Variants in ODAD1 observed in about 807,000 individuals in gnomAD.
ODAD1 encodes the protein outer dynein arm-docking complex subunit 1.
ODAD1 carries 49 observed loss-of-function variants against 67.2 expected under a neutral mutation model. That is an observed-to-expected ratio of 0.73 (90% CI 0.58 to 0.92). The LOEUF is 0.92. Ranked by LOEUF, ODAD1 falls within the 40% of genes least tolerant of loss-of-function variation. The probability of loss-of-function intolerance (pLI) is 0.00; values close to 1 mark genes in which losing one functional copy is unlikely to be tolerated. For missense variants in ODAD1, 897 were observed against 953.7 expected (o/e 0.94, Z 0.78); for synonymous variants, 345 against 393.7 (o/e 0.88, Z 1.46).
intron 12 of ODAD1, among the ~76,000 whole-genome samples, chr19:48,298,629 G>C (rs2147310023): frequency 6.6e-6 from 1 of 152,290 alleles, no homozygotes; most frequent in Admixed American, 6.5e-5. Context: ...AGGCAGTGGT[G>C]AGGGGCCTGC....
Position 48,297,580 on chromosome 19 carries a change from C to A in ODAD1, c.1581+10G>T. 1 of 1,561,232 alleles carries A rather than the reference C, an allele frequency of 6.4e-7. No homozygotes were observed. Among genetic ancestry groups the A allele is most frequent in the East Asian group, 2.3e-5 (1 of 44,384 alleles). On this transcript the variant is annotated intron_variant, in intron 15 of 15. Transcript: ENST00000674294. ...AGGCCTGGCCCCACCCCCGCAGGCC[C>A]CACTCTCACCAGCTTCTCCACTTGG...
At chr19:48,311,297 C>T (rs1968754053) in intron 7 of ODAD1, among the ~76,000 whole-genome samples, 1 of 152,178 alleles carries the variant, frequency 6.6e-6, no homozygotes, top group African/African-American at 2.4e-5. Context: ...AATGGTCTTG[C>T]TTGCTCATAG....
chr19:48,314,848 C>A (rs769378699), intron 5 of ODAD1, among the ~76,000 whole-genome samples: 2 of 151,728 alleles, frequency 1.3e-5, no homozygotes, highest in Non-Finnish European at 2.9e-5. Flanking sequence ...GGCTGAAGCA[C>A]GAGAATCACT....
In ODAD1 at chr19:48,321,703, G is replaced by C. The variant is rs1287273910; in HGVS notation, c.-89C>G. The stretch of plus-strand genomic sequence containing the variant: ...CGCGGGCCTGGAAGCGGCGGGAGTT[G>C]AAAGAGCCTGCGGTGACCTGTATGG... On this transcript the variant is annotated 5_prime_UTR_variant, in exon 1 of 16. Transcript: ENST00000674294. 1.8e-5 allele frequency: 7 copies of C among 396,140 alleles called. No individual in the cohort carries two copies. The highest frequency in any genetic ancestry group is 6.3e-4 in the Middle Eastern group (1 of 1,598). The allele number at this position is 396,140 out of a possible 1,614,324, so 24.5% of individuals were successfully genotyped here.
rs1360007301 is a variant in ODAD1 at position 48,304,070 on chromosome 19, C to G, written c.736G>C (p.Glu246Gln). 6.2e-7 allele frequency: 1 copy of G among 1,614,160 alleles called. No individual in the cohort carries two copies. Among genetic ancestry groups the G allele is most frequent in the Admixed American group, 1.7e-5 (1 of 60,016 alleles). Residue 246 changes from glutamate (E) to glutamine (Q), a missense_variant, in exon 9 of 16, where the codon GAG becomes CAG. Physicochemically the swap from Glu to Gln is conservative, Grantham distance 29. Transcript: ENST00000674294. Reference sequence around the variant, plus strand: ...ATCTGCCGCTGCAGGACCTGCGCCTCCATCTCGCTCTGGGCCTCCTCTTTC... The same window carrying G: ...ATCTGCCGCTGCAGGACCTGCGCCTGCATCTCGCTCTGGGCCTCCTCTTTC... ...AEKEEAQSEM[E>Q]AQVLQRQILH...
chr19:48,303,883 G>T (rs1433841988), intron 9 of ODAD1, 70 bp downstream of exon 9: 2 of 1,582,038 alleles, frequency 1.3e-6, no homozygotes, highest in Non-Finnish European at 8.6e-7. Flanking sequence ...CCTGGGGCAC[G>T]AAGGTGTGCT....
At chr19:48,314,261 A>G (rs899127739) in intron 5 of ODAD1, among the ~76,000 whole-genome samples, 1 of 152,198 alleles carries the variant, frequency 6.6e-6, no homozygotes, top group Non-Finnish European at 1.5e-5. Context: ...AAGCAGAGAG[A>G]GAGAGGCATG....
chr19:48,305,789 A>G (rs1371412178), intron 8 of ODAD1, among the ~76,000 whole-genome samples: 1 of 151,864 alleles, frequency 6.6e-6, no homozygotes, highest in Admixed American at 6.6e-5. Flanking sequence ...GGTGGGGTGC[A>G]ATGGCTCATG....
Position 48,304,118 on chromosome 19 carries a change from C to T in ODAD1, c.688G>A (p.Gly230Ser). The T allele has an allele frequency of 6.2e-7, 1 of 1,610,236 alleles. No individual in the cohort carries two copies. Among genetic ancestry groups the T allele is most frequent in the Non-Finnish European group, 8.5e-7 (1 of 1,177,926 alleles). The change falls in exon 9 of 16, where the codon GGC becomes AGC. Residue 230 changes from glycine (G) to serine (S), a missense_variant. Coordinates refer to ENST00000674294, the MANE Select transcript of ODAD1 (RefSeq NM_001364171.2). The stretch of plus-strand genomic sequence containing the variant: ...TTCTCCGCGCGCTCCCGCAGCAAGC[C>T]CATCTTGGCCTTCGCCTCCTCCCTG... ...AVREEAKAKM[G>S]LLRERAEKEE... is the part of the protein sequence containing the mutation.
chr19:48,317,699 G>A (rs1348869172), intron 5 of ODAD1, among the ~76,000 whole-genome samples: 1 of 146,758 alleles, frequency 6.8e-6, no homozygotes, highest in Non-Finnish European at 1.5e-5. Flanking sequence ...TTTTTTTTGA[G>A]ACAGAGTCTT....
chr19:48,318,671 G>T, intron 4 of ODAD1, 42 bp downstream of exon 4: 1 of 1,530,960 alleles, frequency 6.5e-7, no homozygotes, highest in Non-Finnish European at 8.9e-7. Context: ...CAGCCCCTCT[G>T]ACCCCCTCCT....
chr19:48,297,949 G>C, intron 14 of ODAD1, 51 bp downstream of exon 14: 1 of 1,419,814 alleles, frequency 7.0e-7, no homozygotes, highest in South Asian at 1.2e-5. Flanking sequence ...TGTTCCCTCT[G>C]CCCCCATGGA....
At chr19:48,321,357 G>C (rs1190964554) in intron 1 of ODAD1, among the ~76,000 whole-genome samples, 1 of 152,170 alleles carries the variant, frequency 6.6e-6, no homozygotes, top group African/African-American at 2.4e-5. Flanking sequence ...TGTGAGGCCT[G>C]AGAGGGGCGT....
In ODAD1 at chr19:48,298,161, C is replaced by T; in HGVS notation, c.1404+16G>A. 6.2e-7 allele frequency: 1 copy of T among 1,612,112 alleles called. No homozygotes were observed. The highest frequency in any genetic ancestry group is 8.5e-7 in the Non-Finnish European group (1 of 1,179,800). On this transcript the variant is annotated intron_variant, in intron 13 of 15. Coordinates refer to ENST00000674294, the MANE Select transcript of ODAD1 (RefSeq NM_001364171.2). ...CCGAGACCGGCCTCCTGTCCCGGCT[C>T]CCTGCCGTCTCCCACCTGGGCATGT...
chr19:48,320,591 C>T (rs1969007826), intron 2 of ODAD1, among the ~76,000 whole-genome samples, 181 bp downstream of exon 2: 1 of 152,246 alleles, frequency 6.6e-6, no homozygotes, highest in Non-Finnish European at 1.5e-5. Context: ...CTCTCACACT[C>T]TGGGTCTTGC....
At chr19:48,306,043 A>G (rs1211903860) in intron 8 of ODAD1, 2 of 255,202 alleles carry the variant, frequency 7.8e-6, no homozygotes, top group Non-Finnish European at 1.2e-5. Flanking sequence ...TGGGCGACAG[A>G]GCCAGACTCT....
At position 48,297,461 on chromosome 19, in the gene ODAD1, C is replaced by A; in HGVS notation, c.1639G>T (p.Ala547Ser). 1.9e-6 allele frequency: 3 copies of A among 1,597,742 alleles called. No individual in the cohort carries two copies. Among genetic ancestry groups the A allele is most frequent in the Non-Finnish European group, 1.7e-6 (2 of 1,175,638 alleles). ...QRQKDLAAAAAKLDGTLSVDL... is the reference protein window; with the variant it reads ...QRQKDLAAAASKLDGTLSVDL... ...ACGCTCAGGGTGCCGTCCAGCTTCG[C>A]GGCGGCGGCGGCCAGGTCCTTCTGG... The change falls in exon 16 of 16, where the codon GCG (alanine) becomes TCG (serine). Residue 547 changes from alanine (A) to serine (S), a missense_variant. Ala to Ser is a moderately conservative substitution (Grantham distance 99, BLOSUM62 1). Coordinates refer to ENST00000674294, the MANE Select transcript of ODAD1 (RefSeq NM_001364171.2).
chr19:48,299,137 C>T (rs1968388656), intron 12 of ODAD1, among the ~76,000 whole-genome samples: 1 of 152,254 alleles, frequency 6.6e-6, no homozygotes, highest in African/African-American at 2.4e-5. Context: ...AGGCTGGGTG[C>T]AGTGGCTCAC....
At chr19:48,297,780 G>A in intron 14 of ODAD1, 112 bp from the exon 15 acceptor site, 1 of 1,030,570 alleles carries the variant, frequency 9.7e-7, no homozygotes, top group Non-Finnish European at 1.4e-6. Flanking sequence ...AGCCCCGAGT[G>A]CCCTTCCCTT....
Sources: allele counts gnomAD v4.1 joint callset (sites outside exome capture counted in the v4.1 genomes callset), GRCh38; gene constraint gnomAD v4.1.1; transcripts MANE v1.5; gene names NCBI Gene and HGNC (gene_info 2026-07-23, HGNC 2026-07-21).